Variants in DMD observed in about 807,000 individuals in gnomAD.
The protein encoded by DMD is mutant dystrophin.
In DMD, 63 loss-of-function variants were observed where a neutral mutation model predicts 330.1. The observed-to-expected ratio is 0.19, with a 90% CI of 0.16 to 0.24. The LOEUF (loss-of-function observed/expected upper bound fraction) is 0.24, where lower values mean the gene tolerates loss of function less well. Among genes scored for constraint, DMD ranks in the 10% least tolerant of loss-of-function variants. The probability of loss-of-function intolerance (pLI) is 1.00; values close to 1 mark genes in which losing one functional copy is unlikely to be tolerated. For synonymous variants in DMD, 1,223 were observed against 959.8 expected (o/e 1.27, Z -5.07); for missense variants, 3,344 against 2,684.1 (o/e 1.25, Z -5.43).
At chrX:32,449,458 C>T (rs1238906674) in intron 26 of DMD, among the ~76,000 whole-genome samples, 1 of 110,053 alleles carries the variant, frequency 9.1e-6, no homozygotes, top group East Asian at 2.9e-4. Context: ...TCATTCTGGT[C>T]TTCTCTCCTT....
At position 31,620,533 on chromosome X, in the gene DMD, G is replaced by C. The variant is rs771920401; in HGVS notation, c.8217+7140C>G. Among the ~76,000 whole-genome samples the C allele has an allele frequency of 4.7e-5, 5 of 107,094 alleles. No homozygotes were observed. In the East Asian group the frequency reaches 1.5e-3, roughly 31 times the overall value. The allele number at this position is 107,094 out of a possible 115,157, so 93.0% of individuals were successfully genotyped here. The stretch of plus-strand genomic sequence containing the variant: ...ACGTTCAAGCGATTCTCCTGCCTCT[G>C]CCTCCCGAGTAGTTGGGATTACAGG... On this transcript the variant is annotated intron_variant, in intron 55 of 78. Coordinates refer to ENST00000357033, the MANE Select transcript of DMD (RefSeq NM_004006.3).
chrX:31,876,487 C>T, intron 47 of DMD, among the ~76,000 whole-genome samples: 1 of 111,501 alleles, frequency 9.0e-6, no homozygotes, highest in Non-Finnish European at 1.9e-5. Flanking sequence ...GAGCAATACT[C>T]TGCATGATAA....
chrX:32,851,801 A>G (rs2081159984), intron 2 of DMD, among the ~76,000 whole-genome samples: 1 of 111,852 alleles, frequency 8.9e-6, no homozygotes. Context: ...CTGCCCTGTC[A>G]CAGTGGGAAG....
intron 54 of DMD, among the ~76,000 whole-genome samples, chrX:31,655,096 C>T (rs1264578939): frequency 9.0e-6 from 1 of 111,326 alleles, no homozygotes; most frequent in Non-Finnish European, 1.9e-5. Flanking sequence ...ACTGCTTAAC[C>T]CATTTATGCC....
chrX:31,836,594 T>C, intron 49 of DMD, 124 bp downstream of exon 49: 1 of 578,091 alleles, frequency 1.7e-6, no homozygotes, highest in Admixed American at 2.4e-5. Context: ...TATTACAGTA[T>C]GGCCAGTATT....
At chrX:31,393,202 G>A (rs2060754444) in intron 60 of DMD, among the ~76,000 whole-genome samples, 1 of 111,704 alleles carries the variant, frequency 9.0e-6, no homozygotes, top group Non-Finnish European at 1.9e-5. Context: ...TCTTGGCTGG[G>A]CATGGTGGCT....
At chrX:33,126,776 G>T (rs200411534) in intron 1 of DMD, among the ~76,000 whole-genome samples, 3 of 111,370 alleles carry the variant, frequency 2.7e-5, no homozygotes, top group African/African-American at 9.8e-5. Flanking sequence ...AGCTGTGAAG[G>T]TTCAATAAAT....
chrX:31,833,325 GGAGAGAGGGAGAGAGT>G (rs1337467900), intron 49 of DMD, among the ~76,000 whole-genome samples: 431 of 39,522 alleles, frequency 0.011, no homozygotes, highest in African/African-American at 0.015. Flanking sequence ...AGGGAGAGAG[GGAGAGAGGGAGAGAGT>G]GGAGAGGGAG....
intron 9 of DMD, among the ~76,000 whole-genome samples, chrX:32,685,083 T>C (rs2062753209): frequency 9.0e-6 from 1 of 111,571 alleles, no homozygotes; most frequent in Non-Finnish European, 1.9e-5. Flanking sequence ...TTCACATTTA[T>C]TCCTGGCTTC....
chrX:33,240,404 A>G (rs2052568655), intron 1 of DMD, among the ~76,000 whole-genome samples: 1 of 111,689 alleles, frequency 9.0e-6, no homozygotes, highest in South Asian at 3.7e-4. Context: ...CATTCTCTTC[A>G]TGGATGAACA....
At chrX:32,506,094 T>C (rs2044587913) in intron 18 of DMD, among the ~76,000 whole-genome samples, 1 of 112,030 alleles carries the variant, frequency 8.9e-6, no homozygotes, top group African/African-American at 3.2e-5. Context: ...ACTCTAAAGA[T>C]AAATACATGT....
intron 1 of DMD, among the ~76,000 whole-genome samples, chrX:33,209,639 T>C (rs1336182875): frequency 9.0e-6 from 1 of 111,635 alleles, no homozygotes; most frequent in East Asian, 2.8e-4. Flanking sequence ...CAAAATTTAA[T>C]GTATAATATA....
At chrX:31,790,870 G>A (rs184348326) in intron 50 of DMD, among the ~76,000 whole-genome samples, 22 of 111,645 alleles carry the variant, frequency 2.0e-4, no homozygotes, top group African/African-American at 5.5e-4. Flanking sequence ...TCTAGCATGC[G>A]TAGATTGAGA....
chrX:31,698,867 C>T (rs73457885), intron 52 of DMD, among the ~76,000 whole-genome samples: 1,945 of 111,381 alleles, frequency 0.017, 49 homozygotes, highest in African/African-American at 0.06. Flanking sequence ...TCTCTAAATC[C>T]CAAAAAGCTA....
At chrX:32,213,114 A>G (rs1438972095) in intron 44 of DMD, among the ~76,000 whole-genome samples, 1 of 112,215 alleles carries the variant, frequency 8.9e-6, no homozygotes, top group Non-Finnish European at 1.9e-5. Context: ...TCTTTACTGA[A>G]AATTGTACAT....
intron 20 of DMD, among the ~76,000 whole-genome samples, chrX:32,486,082 C>T (rs2042435434): frequency 9.1e-6 from 1 of 109,765 alleles, no homozygotes; most frequent in African/African-American, 3.3e-5. Flanking sequence ...CAGGTTTCCT[C>T]TTGTTGTCCT....
At chrX:32,174,415 A>G (rs1266705217) in intron 44 of DMD, among the ~76,000 whole-genome samples, 1 of 112,466 alleles carries the variant, frequency 8.9e-6, no homozygotes, top group Non-Finnish European at 1.9e-5. Flanking sequence ...CTCTGAAGTG[A>G]GAGTCTGCAA....
chrX:32,242,030 A>G (rs1170631588), intron 43 of DMD, among the ~76,000 whole-genome samples: 1 of 111,653 alleles, frequency 9.0e-6, no homozygotes, highest in African/African-American at 3.3e-5. Context: ...GAGAGACCCA[A>G]GATAAGATGA....
chrX:31,962,644 A>G (rs746131784), intron 45 of DMD, among the ~76,000 whole-genome samples: 1 of 111,773 alleles, frequency 8.9e-6, no homozygotes, highest in African/African-American at 3.3e-5. Context: ...GAAGACAGAA[A>G]TCCATATTTT....
Sources: allele counts gnomAD v4.1 joint callset (sites outside exome capture counted in the v4.1 genomes callset), GRCh38; gene constraint gnomAD v4.1.1; transcripts MANE v1.5; gene names NCBI Gene and HGNC (gene_info 2026-07-23, HGNC 2026-07-21).